Variants in DCHS2 observed in about 807,000 individuals in gnomAD.
DCHS2 encodes protocadherin-23.
Under a neutral mutation model 182.4 loss-of-function variants are expected in DCHS2, and 142 were observed. That is an observed-to-expected ratio of 0.78 (90% CI 0.68 to 0.89). The LOEUF (loss-of-function observed/expected upper bound fraction) is 0.89. Ranked by LOEUF, DCHS2 falls within the 40% of genes least tolerant of loss-of-function variation. The probability of loss-of-function intolerance (pLI) is 0.00; values close to 1 mark genes in which losing one functional copy is unlikely to be tolerated. For missense variants in DCHS2, 4,319 were observed against 4,198.6 expected (o/e 1.03, Z -0.79); for synonymous variants, 1,740 against 1,663.3 (o/e 1.05, Z -1.12).
At chr4:154,383,942 T>G (rs1001500576) in intron 1 of DCHS2, among the ~76,000 whole-genome samples, 1 of 152,220 alleles carries the variant, frequency 6.6e-6, no homozygotes, top group Non-Finnish European at 1.5e-5. Flanking sequence ...CCCACTTTAA[T>G]TTTTTTCTTA....
In DCHS2 at chr4:154,236,128, A is replaced by G. The variant is rs1216913909; in HGVS notation, c.8524T>C (p.Tyr2842His). ...GDIHAKQILD[Y>H]ENGNKYCLTV... ...AGGCAGTATTTATTGCCATTTTCAT[A>G]GTCAAGGATTTGCTTAGCATGAATA... Residue 2842 changes from tyrosine (Y) to histidine (H), a missense_variant, in exon 20 of 20, where the codon TAT (tyrosine) becomes CAT (histidine). Tyr to His is a moderately conservative substitution (Grantham distance 83, BLOSUM62 2). Coordinates refer to ENST00000357232, the MANE Select transcript of DCHS2 (RefSeq NM_001358235.2). 6 of 1,613,768 alleles carry G rather than the reference A, an allele frequency of 3.7e-6. No homozygotes were observed. The highest frequency in any genetic ancestry group is 1.7e-4 in the Middle Eastern group (1 of 6,058).
chr4:154,258,951 A>G (rs1732837360), intron 15 of DCHS2, among the ~76,000 whole-genome samples: 1 of 152,174 alleles, frequency 6.6e-6, no homozygotes, highest in Admixed American at 6.5e-5. Flanking sequence ...CTTCCTGACT[A>G]CAAAAACTCA....
Position 154,489,859 on chromosome 4 carries a change from T to A in DCHS2, c.1497A>T (p.Arg499Ser), listed in dbSNP as rs753611661. 1.3e-6 allele frequency: 2 copies of A among 1,547,816 alleles called. No individual in the cohort carries two copies. Among genetic ancestry groups the A allele is most frequent in the Non-Finnish European group, 8.7e-7 (1 of 1,144,360 alleles). ...FFLCVEGPLD[R>S]ESRDLYELLL... ...GTAACTCATACAGATCGCGGCTCTC[T>A]CTGTCCAGGGGCCCCTCCACGCAAA... The change falls in exon 1 of 20, where the codon AGA becomes AGT. Residue 499 changes from arginine to serine, a missense_variant. Arg to Ser is a moderately radical substitution (Grantham distance 110, BLOSUM62 -1). Coordinates refer to ENST00000357232, the MANE Select transcript of DCHS2 (RefSeq NM_001358235.2).
intron 14 of DCHS2, among the ~76,000 whole-genome samples, chr4:154,268,250 C>A (rs758336650): frequency 9.7e-5 from 14 of 144,188 alleles, no homozygotes; most frequent in African/African-American, 3.4e-4. Context: ...AAAAAAATAA[C>A]GCTTTACCAC....
intron 3 of DCHS2, among the ~76,000 whole-genome samples, chr4:154,347,750 T>C (rs1487276150): frequency 6.6e-6 from 1 of 151,896 alleles, no homozygotes; most frequent in Non-Finnish European, 1.5e-5. Flanking sequence ...GTAGCATCAA[T>C]ACTTCACTGC....
intron 1 of DCHS2, among the ~76,000 whole-genome samples, chr4:154,386,489 T>C: frequency 4.2e-5 from 1 of 24,070 alleles, no homozygotes; most frequent in South Asian, 1.8e-3. Context: ...CTGTCTCACC[T>C]TTTTTTTCTT....
intron 13 of DCHS2, among the ~76,000 whole-genome samples, chr4:154,281,516 T>C (rs1734143947): frequency 6.6e-6 from 1 of 152,152 alleles, no homozygotes; most frequent in Non-Finnish European, 1.5e-5. Flanking sequence ...AAAACATTAC[T>C]GAAGGAAATC....
chr4:154,391,142 T>G, intron 1 of DCHS2: 1 of 1,601,116 alleles, frequency 6.2e-7, no homozygotes, highest in Non-Finnish European at 8.5e-7. Context: ...AGCTGATACT[T>G]ATTTTTAATT....
chr4:154,358,771 T>C (rs1579004928), intron 3 of DCHS2, among the ~76,000 whole-genome samples: 1 of 151,976 alleles, frequency 6.6e-6, no homozygotes, highest in East Asian at 1.9e-4. Flanking sequence ...TTTTTTCAAC[T>C]TTATTGAGTA....
At position 154,304,311 on chromosome 4, in the gene DCHS2, C is replaced by T. The variant is rs147700362; in HGVS notation, c.5605+358G>A. On this transcript the variant is annotated intron_variant, in intron 12 of 19. Transcript: ENST00000357232. ...ATAGAAAAAAATTCACAGCAGTTTGCAAAGGCAGATTTTTAAAGAATGTGG... is the reference window on the plus strand; with the variant it reads ...ATAGAAAAAAATTCACAGCAGTTTGTAAAGGCAGATTTTTAAAGAATGTGG... Among the ~76,000 whole-genome samples, 344 of 152,174 alleles carry T rather than the reference C, an allele frequency of 2.3e-3. 2 individuals carry two copies. The highest frequency in any genetic ancestry group is 7.8e-3 in the African/African-American group (324 of 41,508).
intron 5 of DCHS2, chr4:154,331,553 GA>G: frequency 6.3e-7 from 1 of 1,581,614 alleles, no homozygotes; most frequent in Non-Finnish European, 8.6e-7. Flanking sequence ...TGTGCCCTGT[GA>G]AAACCCTCCA....
At chr4:154,373,840 GA>G (rs1730756310) in intron 2 of DCHS2, 18 of 1,173,248 alleles carry the variant, frequency 1.5e-5, no homozygotes, top group Non-Finnish European at 2.2e-5. Flanking sequence ...AGGGGAGAAG[GA>G]AAACTCGAAG....
chr4:154,392,834 G>A (rs546282957), intron 1 of DCHS2, among the ~76,000 whole-genome samples: 1 of 152,188 alleles, frequency 6.6e-6, no homozygotes, highest in African/African-American at 2.4e-5. Context: ...AGGGCTTAGT[G>A]TCAGGGAAAG....
intron 12 of DCHS2, among the ~76,000 whole-genome samples, chr4:154,302,531 AT>A (rs1735228870): frequency 6.6e-6 from 1 of 152,188 alleles, no homozygotes; most frequent in Non-Finnish European, 1.5e-5. Context: ...TGGCTCCTCT[AT>A]CACCTTTGCT....
At chr4:154,259,194 C>T (rs139092981) in intron 15 of DCHS2, among the ~76,000 whole-genome samples, 42 of 152,232 alleles carry the variant, frequency 2.8e-4, no homozygotes, top group South Asian at 1.0e-3. Flanking sequence ...TCTTACACTC[C>T]TCCTTCAGGA....
intron 2 of DCHS2, among the ~76,000 whole-genome samples, chr4:154,373,411 T>C (rs11099951): frequency 0.36 from 55,230 of 152,076 alleles, 11,087 homozygotes; most frequent in Non-Finnish European, 0.45. Flanking sequence ...CTGGATAACC[T>C]TGTATTTGTA....
At chr4:154,313,694 CAT>C (rs1210589217) in intron 10 of DCHS2, among the ~76,000 whole-genome samples, 1 of 152,132 alleles carries the variant, frequency 6.6e-6, no homozygotes, top group East Asian at 1.9e-4. Context: ...CAAATATTCA[CAT>C]GTGTTTACAT....
intron 1 of DCHS2, among the ~76,000 whole-genome samples, chr4:154,430,609 C>G (rs1055706413): frequency 3.9e-5 from 6 of 152,318 alleles, no homozygotes; most frequent in South Asian, 2.1e-4. Flanking sequence ...CCTGTTCTCA[C>G]AGCAAAAGTC....
intron 1 of DCHS2, among the ~76,000 whole-genome samples, chr4:154,426,052 C>A (rs1733311097): frequency 6.6e-6 from 1 of 152,126 alleles, no homozygotes; most frequent in African/African-American, 2.4e-5. Context: ...GCCCTCTTGG[C>A]CTCTGTTTTT....
Sources: gnomAD v4.1 joint callset for allele counts (sites outside exome capture counted in the v4.1 genomes callset) on GRCh38, gnomAD v4.1.1 for gene constraint, MANE v1.5 for transcripts, NCBI Gene and HGNC (gene_info 2026-07-23, HGNC 2026-07-21) for gene names.